MMP26: variants seen among roughly 807,000 people sequenced by gnomAD.
MMP26 encodes the protein matrix metallopeptidase 26.
MMP26 carries 33 observed loss-of-function variants against 31.0 expected under a neutral mutation model. The observed-to-expected ratio is 1.06, with a 90% CI of 0.81 to 1.42. The LOEUF (loss-of-function observed/expected upper bound fraction) is 1.42, where lower values mean the gene tolerates loss of function less well. Ranked by LOEUF, MMP26 falls within the 40% of genes most tolerant of loss-of-function variation. MMP26 has a pLI of 0.00. For synonymous variants in MMP26, 122 were observed against 114.9 expected (o/e 1.06, Z -0.40); for missense variants, 347 against 316.1 (o/e 1.10, Z -0.74).
intron 1 of MMP26, chr11:4,723,652 T>A (rs1848051554): frequency 2.3e-6 from 2 of 876,286 alleles, no homozygotes; most frequent in Admixed American, 3.4e-5. Context: ...ATCCTCATAC[T>A]TGTTCTTGCA....
At chr11:4,911,907 A>T (rs1850997957) in intron 2 of MMP26, among the ~76,000 whole-genome samples, 1 of 152,180 alleles carries the variant, frequency 6.6e-6, no homozygotes, top group African/African-American at 2.4e-5. Flanking sequence ...ATGTGTGCTT[A>T]GAGAGAGAAG....
chr11:4,863,030 G>A (rs1247861644), intron 2 of MMP26, among the ~76,000 whole-genome samples: 1 of 152,116 alleles, frequency 6.6e-6, no homozygotes, highest in South Asian at 2.1e-4. Context: ...GTGGCTTTCA[G>A]GTGGAAATGA....
chr11:4,907,798 A>G (rs1158760779), intron 2 of MMP26: 1 of 1,613,996 alleles, frequency 6.2e-7, no homozygotes, highest in Admixed American at 1.7e-5. Flanking sequence ...GGGTTGCTAA[A>G]ATGGGACTTA....
chr11:4,754,445 C>G (rs1015019137), intron 1 of MMP26, among the ~76,000 whole-genome samples: 1 of 151,840 alleles, frequency 6.6e-6, no homozygotes, highest in African/African-American at 2.4e-5. Context: ...ATTACTGAAA[C>G]TTATTTTTTT....
chr11:4,842,211 G>A (rs1443464008), intron 2 of MMP26, among the ~76,000 whole-genome samples: 2 of 152,188 alleles, frequency 1.3e-5, no homozygotes, highest in African/African-American at 4.8e-5. Flanking sequence ...AAGTTAAGGT[G>A]CAGTTTTTAT....
intron 2 of MMP26, among the ~76,000 whole-genome samples, chr11:4,889,205 C>T (rs761884024): frequency 1.2e-4 from 18 of 152,052 alleles, no homozygotes; most frequent in Admixed American, 3.3e-4. Context: ...CTTCCAGGAC[C>T]CCAAGGATGC....
chr11:4,924,183 T>C, intron 2 of MMP26: 1 of 1,614,152 alleles, frequency 6.2e-7, no homozygotes, highest in Non-Finnish European at 8.5e-7. Flanking sequence ...GTGGCATCAG[T>C]ACAAATGACG....
chr11:4,843,104 G>A (rs1849818638), intron 2 of MMP26, among the ~76,000 whole-genome samples: 1 of 152,204 alleles, frequency 6.6e-6, no homozygotes, highest in Non-Finnish European at 1.5e-5. Flanking sequence ...GGCTATTCAG[G>A]ATACAGCCCC....
intron 1 of MMP26, among the ~76,000 whole-genome samples, chr11:4,737,554 A>G (rs542868896): frequency 9.8e-5 from 15 of 152,316 alleles, no homozygotes; most frequent in Non-Finnish European, 2.1e-4. Context: ...GAGGCAGGAG[A>G]ATCGCTTGAA....
chr11:4,985,523 A>G (rs865808637), intron 2 of MMP26, among the ~76,000 whole-genome samples: 8 of 152,270 alleles, frequency 5.3e-5, no homozygotes, highest in South Asian at 2.1e-4. Context: ...TGTCTTTAGC[A>G]CATAACGTTC....
chr11:4,852,690 A>G (rs960525757), intron 2 of MMP26, among the ~76,000 whole-genome samples: 2 of 152,136 alleles, frequency 1.3e-5, no homozygotes, highest in African/African-American at 4.8e-5. Context: ...TAAAACCACC[A>G]TATTATTCAG....
At chr11:4,706,602 CAGAAAGAAAGAA>C (rs1227145013) in intron 1 of MMP26, among the ~76,000 whole-genome samples, 1 of 109,106 alleles carries the variant, frequency 9.2e-6, no homozygotes, top group Admixed American at 8.6e-5. Flanking sequence ...AAAAAAAAGA[CAGAAAGAAAGAA>C]AGAAAGAAAA....
At chr11:4,717,428 A>T (rs1847949084) in intron 1 of MMP26, among the ~76,000 whole-genome samples, 1 of 152,176 alleles carries the variant, frequency 6.6e-6, no homozygotes, top group Admixed American at 6.5e-5. Context: ...TGAAGAAAGG[A>T]TGAGAAAAAC....
intron 2 of MMP26, among the ~76,000 whole-genome samples, chr11:4,785,597 ATTAT>A (rs1474633417): frequency 6.6e-6 from 1 of 152,282 alleles, no homozygotes; most frequent in South Asian, 2.1e-4. Flanking sequence ...GCTATTGTAC[ATTAT>A]TTCATTATTT....
At chr11:4,771,766 T>A (rs1848725247) in intron 2 of MMP26, among the ~76,000 whole-genome samples, 1 of 152,220 alleles carries the variant, frequency 6.6e-6, no homozygotes, top group African/African-American at 2.4e-5. Context: ...TCTCCAGTTG[T>A]CTGATTTTCA....
chr11:4,944,167 G>A (rs1258733992), intron 2 of MMP26: 5 of 439,422 alleles, frequency 1.1e-5, no homozygotes, highest in South Asian at 8.3e-5. Context: ...AACAGTTCTT[G>A]CCCTGATCTG....
chr11:4,715,805 G>T (rs578061946), intron 1 of MMP26, among the ~76,000 whole-genome samples: 4 of 152,262 alleles, frequency 2.6e-5, no homozygotes, highest in Non-Finnish European at 4.4e-5. Flanking sequence ...CCCATGCCTT[G>T]GGTGTGTGAG....
rs1846963571 is a variant in MMP26, at chr11:4,989,661, A to C, written c.113A>C (p.Gln38Pro). The C allele has an allele frequency of 1.9e-6, 3 of 1,612,118 alleles. No individual in the cohort carries two copies. ...GATCTGATTCAGGGCTATTTCCATC[A>C]ATTTTTCCTGACCAAGAAGGAGTCG... The part of the protein sequence containing the change: ...GWDFVEGYFH[Q>P]FFLTKKESPL... Residue 38 changes from glutamine to proline, a missense_variant, in exon 4 of 8, where the codon CAA (glutamine) becomes CCA (proline). Gln to Pro is a moderately conservative substitution (Grantham distance 76). Transcript: ENST00000380390.
chr11:4,873,060 C>T (rs1391053546), intron 2 of MMP26, among the ~76,000 whole-genome samples: 2 of 152,082 alleles, frequency 1.3e-5, no homozygotes, highest in Admixed American at 1.3e-4. Flanking sequence ...CCTCTGATTA[C>T]TCATGACACA....
Sources: allele counts gnomAD v4.1 joint callset (sites outside exome capture counted in the v4.1 genomes callset), GRCh38; gene constraint gnomAD v4.1.1; transcripts MANE v1.5; gene names NCBI Gene and HGNC (gene_info 2026-07-23, HGNC 2026-07-21).